WDPCP: variants seen among roughly 807,000 people sequenced by gnomAD.
WDPCP encodes WD repeat containing planar cell polarity effector.
WDPCP carries 71 observed loss-of-function variants against 93.1 expected under a neutral mutation model. The ratio of observed to expected loss-of-function variants is 0.76; its 90% CI spans 0.63 to 0.93. WDPCP has a LOEUF of 0.93. Ranked by LOEUF, WDPCP falls within the 40% of genes least tolerant of loss-of-function variation. The pLI, the probability that WDPCP is intolerant of heterozygous loss-of-function variation, is 0.00. For missense variants in WDPCP, 844 were observed against 887.4 expected (o/e 0.95, Z 0.62); for synonymous variants, 315 against 315.0 (o/e 1.00, Z 0.00).
chr2:63,802,969 A>G lies in WDPCP; in HGVS notation n.308+10653T>C, dbSNP rs184343038. 2.6e-5 allele frequency among the ~76,000 whole-genome samples: 4 copies of G among 152,288 alleles called. No homozygotes were observed. The East Asian group carries it at 5.8e-4, about 22-fold the overall frequency. On this transcript the variant is annotated intron_variant and non_coding_transcript_variant, in intron 2 of 4. Transcript: ENST00000467687. ...CCCTTTTTACATTGTAATAACACAA[A>G]AAGTTCAAGGTTTTCATTTTGTAGT...
At chr2:63,703,102 T>C in intron 2 of WDPCP, among the ~76,000 whole-genome samples, 1 of 152,224 alleles carries the variant, frequency 6.6e-6, no homozygotes, top group South Asian at 2.1e-4. Context: ...GTGCCACATT[T>C]TCTTAATCCA....
At chr2:63,783,771 TG>T (rs2103981530) in intron 2 of WDPCP, among the ~76,000 whole-genome samples, 1 of 152,112 alleles carries the variant, frequency 6.6e-6, no homozygotes, top group African/African-American at 2.4e-5. Flanking sequence ...CTTGGAAGGG[TG>T]GGCAGGTTTG....
At chr2:63,546,048 TAA>T (rs1705129193) in intron 1 of WDPCP, among the ~76,000 whole-genome samples, 1 of 152,074 alleles carries the variant, frequency 6.6e-6, no homozygotes, top group South Asian at 2.1e-4. Context: ...ATCCTAAGTC[TAA>T]CCCAGCACAC....
At chr2:63,821,229 A>T (rs564706929) in intron 1 of WDPCP, among the ~76,000 whole-genome samples, 2 of 152,166 alleles carry the variant, frequency 1.3e-5, no homozygotes, top group African/African-American at 4.8e-5. Flanking sequence ...GAGGTGACTG[A>T]CTCTGCCAGG....
At chr2:63,636,393 A>C (rs1709921002) in intron 3 of WDPCP, among the ~76,000 whole-genome samples, 2 of 152,210 alleles carry the variant, frequency 1.3e-5, no homozygotes, top group African/African-American at 4.8e-5. Flanking sequence ...CAAAACACCC[A>C]AAGCAATCTT....
At chr2:63,380,308 T>C (rs12618974) in intron 11 of WDPCP, among the ~76,000 whole-genome samples, 121,361 of 151,890 alleles carry the variant, frequency 0.8, 49,314 homozygotes, top group East Asian at 0.96. Context: ...TTAAGATAAC[T>C]GCAGGCAGCA....
chr2:63,174,683 C>T lies in WDPCP; in HGVS notation c.2065G>A (p.Gly689Ser), dbSNP rs1298798705. 4 of 1,613,786 alleles carry T rather than the reference C, an allele frequency of 2.5e-6. No individual in the cohort carries two copies. Among genetic ancestry groups the T allele is most frequent in the South Asian group, 1.1e-5 (1 of 91,066 alleles). ...RHILQQRILN[G>S]SSNRQIIDRR... ...AACATTTCTTACCTGTTAGAAGAGC[C>T]ATTCAGTATTCTTTGTTGTAAAATA... The change falls in exon 15 of 18, where the codon GGC becomes AGC. Residue 689 changes from glycine to serine, a missense_variant. Physicochemically the swap from Gly to Ser is moderately conservative, Grantham distance 56. Coordinates refer to ENST00000272321, the MANE Select transcript of WDPCP (RefSeq NM_015910.7).
chr2:63,622,840 C>A, intron 3 of WDPCP: 1 of 1,603,006 alleles, frequency 6.2e-7, no homozygotes. Context: ...ATCGTCCTGG[C>A]CGAAGTGGGC....
chr2:63,823,398 C>A (rs951631148), intron 1 of WDPCP, among the ~76,000 whole-genome samples: 1 of 151,966 alleles, frequency 6.6e-6, no homozygotes, highest in African/African-American at 2.4e-5. Context: ...CCCAGCTACT[C>A]AGGAGGCTGA....
intron 13 of WDPCP, among the ~76,000 whole-genome samples, chr2:63,306,749 A>G (rs1242661582): frequency 1.3e-5 from 2 of 152,202 alleles, no homozygotes; most frequent in Non-Finnish European, 2.9e-5. Flanking sequence ...GCCCAAAATA[A>G]TAAGACCGAT....
intron 10 of WDPCP, among the ~76,000 whole-genome samples, chr2:63,386,381 C>G (rs1217316591): frequency 6.6e-6 from 1 of 151,850 alleles, no homozygotes; most frequent in African/African-American, 2.4e-5. Flanking sequence ...AAGAAAAAAT[C>G]CAATTAAATT....
chr2:63,410,031 C>G (rs1209363563), intron 9 of WDPCP, among the ~76,000 whole-genome samples: 2 of 152,164 alleles, frequency 1.3e-5, no homozygotes, highest in Non-Finnish European at 2.9e-5. Flanking sequence ...CAGAAAACAT[C>G]TGGGAAATTC....
At chr2:63,286,054 C>T (rs529852696) in intron 13 of WDPCP, among the ~76,000 whole-genome samples, 1 of 152,086 alleles carries the variant, frequency 6.6e-6, no homozygotes, top group East Asian at 1.9e-4. Flanking sequence ...GTCACCCAAG[C>T]TGAGGGGCAG....
intron 3 of WDPCP, chr2:63,597,440 C>A: frequency 6.8e-7 from 1 of 1,477,090 alleles, no homozygotes; most frequent in Non-Finnish European, 9.1e-7. Flanking sequence ...CTTCAAAGAC[C>A]TGGATGTGGC....
intron 2 of WDPCP, among the ~76,000 whole-genome samples, chr2:63,799,450 C>A (rs1670662814): frequency 6.6e-6 from 1 of 152,102 alleles, no homozygotes; most frequent in Non-Finnish European, 1.5e-5. Flanking sequence ...TTGGAATATA[C>A]CAAAGTAGCC....
chr2:63,676,146 T>A (rs1710401170), intron 2 of WDPCP, among the ~76,000 whole-genome samples: 1 of 152,322 alleles, frequency 6.6e-6, no homozygotes, highest in African/African-American at 2.4e-5. Context: ...AATAAACATC[T>A]GTTCAAAGAC....
intron 2 of WDPCP, among the ~76,000 whole-genome samples, chr2:63,784,571 A>AGTGT (rs57680590): frequency 0.19 from 27,291 of 145,628 alleles, 3,409 homozygotes; most frequent in East Asian, 0.67. Flanking sequence ...CTCTAGCTGG[A>AGTGT]GTGTGTGTGT....
chr2:63,716,185 G>A (rs969013458), intron 2 of WDPCP, among the ~76,000 whole-genome samples: 2 of 152,288 alleles, frequency 1.3e-5, no homozygotes, highest in Non-Finnish European at 2.9e-5. Context: ...CTCTGACTCT[G>A]GGAAGGCTGT....
intron 15 of WDPCP, among the ~76,000 whole-genome samples, chr2:63,158,908 G>T (rs961660003): frequency 2.0e-5 from 3 of 146,938 alleles, no homozygotes; most frequent in South Asian, 2.2e-4. Context: ...AGGCTGAGGT[G>T]GTTGGATCAT....
Sources: gnomAD v4.1 joint callset for allele counts (sites outside exome capture counted in the v4.1 genomes callset) on GRCh38, gnomAD v4.1.1 for gene constraint, MANE v1.5 for transcripts, NCBI Gene and HGNC (gene_info 2026-07-23, HGNC 2026-07-21) for gene names.